KCNIP1: variants seen among roughly 807,000 people sequenced by gnomAD.
KCNIP1 encodes A-type potassium channel modulatory protein KCNIP1.
A neutral mutation model predicts 33.0 loss-of-function variants in KCNIP1; 18 were observed. The observed-to-expected ratio is 0.55, with a 90% CI of 0.38 to 0.81. The LOEUF (loss-of-function observed/expected upper bound fraction) is 0.81, where lower values mean the gene tolerates loss of function less well. Ranked by LOEUF, KCNIP1 falls within the 30% of genes least tolerant of loss-of-function variation. The pLI, the probability that KCNIP1 is intolerant of heterozygous loss-of-function variation, is 0.00. For synonymous variants in KCNIP1, 93 were observed against 98.3 expected (o/e 0.95, Z 0.32); for missense variants, 238 against 271.6 (o/e 0.88, Z 0.87).
chr5:170,475,326 G>T (rs1004875622), intron 1 of KCNIP1, among the ~76,000 whole-genome samples: 4 of 152,172 alleles, frequency 2.6e-5, no homozygotes, highest in Non-Finnish European at 4.4e-5. Flanking sequence ...ATTTATTTCA[G>T]CCTCACATTG....
At chr5:170,528,418 G>A (rs946874483) in intron 1 of KCNIP1, among the ~76,000 whole-genome samples, 2 of 152,182 alleles carry the variant, frequency 1.3e-5, no homozygotes, top group African/African-American at 4.8e-5. Flanking sequence ...TTGCAAGCTG[G>A]GTGACCTTCC....
intron 1 of KCNIP1, among the ~76,000 whole-genome samples, chr5:170,661,299 A>G (rs914776268): frequency 2.6e-5 from 4 of 152,164 alleles, no homozygotes; most frequent in Admixed American, 2.6e-4. Context: ...ACACGTGAGT[A>G]TGTGTTTCTG....
chr5:170,574,017 C>A (rs1423623297), intron 1 of KCNIP1, among the ~76,000 whole-genome samples: 1 of 152,146 alleles, frequency 6.6e-6, no homozygotes, highest in Non-Finnish European at 1.5e-5. Flanking sequence ...GCAGAGGGAC[C>A]CAAGTGGGAC....
chr5:170,679,723 G>T (rs1561760154), intron 1 of KCNIP1, among the ~76,000 whole-genome samples: 1 of 144,162 alleles, frequency 6.9e-6, no homozygotes. Context: ...AACTTAGGGT[G>T]TTTTTTTTTT....
In KCNIP1 at chr5:170,597,259, T is replaced by C. The variant is rs1355805066; in HGVS notation, c.61+92626T>C. ...CAGTGACTTGCAGCTGCAGCAATCC[T>C]ATGACTCAAACCAAAGCAGCTGTGA... is the stretch of plus-strand genomic sequence containing the variant. On this transcript the variant is annotated intron_variant, in intron 1 of 7. Coordinates refer to ENST00000328939, the MANE Select transcript of KCNIP1 (RefSeq NM_014592.4). Among the ~76,000 whole-genome samples, 4 of 152,190 alleles carry C rather than the reference T, an allele frequency of 2.6e-5. No homozygotes were observed. In the East Asian group the frequency reaches 7.7e-4, roughly 29 times the overall value.
upstream of KCNIP1, among the ~76,000 whole-genome samples, chr5:170,500,911 T>A (rs565869360): frequency 6.6e-6 from 1 of 152,310 alleles, no homozygotes; most frequent in South Asian, 2.1e-4. Flanking sequence ...TGTGTCTTCC[T>A]TTAAGGGGCA....
At chr5:170,493,147 G>T (rs972996246) in intron 1 of KCNIP1, among the ~76,000 whole-genome samples, 1 of 152,178 alleles carries the variant, frequency 6.6e-6, no homozygotes, top group African/African-American at 2.4e-5. Context: ...TGGTTTCTGT[G>T]GTAGAAAGTT....
intron 1 of KCNIP1, among the ~76,000 whole-genome samples, chr5:170,659,155 T>G (rs1306100237): frequency 1.3e-5 from 2 of 150,018 alleles, no homozygotes; most frequent in Non-Finnish European, 3.0e-5. Flanking sequence ...TCTTCTCTGA[T>G]CACTTTTTTT....
At chr5:170,543,201 G>A (rs78955686) in intron 1 of KCNIP1, among the ~76,000 whole-genome samples, 1,616 of 152,276 alleles carry the variant, frequency 0.011, 36 homozygotes, top group African/African-American at 0.037. Flanking sequence ...GGACATGAGC[G>A]TTCACGCCTA....
chr5:170,460,281 C>A (rs905082016), intron 1 of KCNIP1, among the ~76,000 whole-genome samples: 6 of 152,190 alleles, frequency 3.9e-5, no homozygotes, highest in African/African-American at 1.4e-4. Context: ...TGGTACCAAT[C>A]CTACTGACAC....
At chr5:170,717,320 C>T (rs1253880949) in intron 1 of KCNIP1, among the ~76,000 whole-genome samples, 2 of 152,088 alleles carry the variant, frequency 1.3e-5, no homozygotes, top group East Asian at 3.8e-4. Context: ...TAGATAATTG[C>T]TACTTATCTT....
intron 1 of KCNIP1, among the ~76,000 whole-genome samples, chr5:170,682,033 C>T (rs540996629): frequency 2.8e-4 from 43 of 152,306 alleles, no homozygotes; most frequent in African/African-American, 1.0e-3. Context: ...TCCACCACTG[C>T]ATGGTGTAGA....
At chr5:170,394,103 A>C (rs1056545539) in intron 1 of KCNIP1, among the ~76,000 whole-genome samples, 1 of 152,128 alleles carries the variant, frequency 6.6e-6, no homozygotes, top group Non-Finnish European at 1.5e-5. Flanking sequence ...TAAAGGAAGC[A>C]TGTGCCCTCT....
upstream of KCNIP1, among the ~76,000 whole-genome samples, chr5:170,500,662 G>A (rs563689066): frequency 6.6e-6 from 1 of 152,150 alleles, no homozygotes; most frequent in Middle Eastern, 3.2e-3. Flanking sequence ...ACACTTACCT[G>A]TGTTCTTCTA....
chr5:170,660,879 A>G (rs1428959864), intron 1 of KCNIP1, among the ~76,000 whole-genome samples: 1 of 152,246 alleles, frequency 6.6e-6, no homozygotes, highest in African/African-American at 2.4e-5. Context: ...GAGAAAGCTC[A>G]CGTGGCAAAA....
intron 1 of KCNIP1, among the ~76,000 whole-genome samples, chr5:170,585,441 T>A (rs888260780): frequency 6.6e-6 from 1 of 152,126 alleles, no homozygotes; most frequent in Admixed American, 6.5e-5. Flanking sequence ...TCCACTGTAT[T>A]TTCCCCGAAG....
rs1215514523 is a variant in KCNIP1 at position 170,648,634 on chromosome 5, CA to C, written c.62-70121del. Reference sequence around the variant, plus strand: ...GAGGAAGGGATGATTAGGTGGAGCACAAAGGATTTTTAGGGCATTGAAACAG... The same window carrying C: ...GAGGAAGGGATGATTAGGTGGAGCACAAGGATTTTTAGGGCATTGAAACAG... On this transcript the variant is annotated intron_variant, in intron 1 of 7. Coordinates refer to ENST00000328939, the MANE Select transcript of KCNIP1 (RefSeq NM_014592.4). Among the ~76,000 whole-genome samples the C allele has an allele frequency of 2.0e-5, 3 of 152,242 alleles. No individual in the cohort carries two copies. The East Asian group carries it at 5.8e-4, about 29-fold the overall frequency.
At chr5:170,386,249 A>C (rs182905895) in intron 1 of KCNIP1, among the ~76,000 whole-genome samples, 8 of 152,340 alleles carry the variant, frequency 5.3e-5, no homozygotes, top group African/African-American at 1.7e-4. Flanking sequence ...GGGAGATTAA[A>C]CAGATGAGAA....
chr5:170,395,867 A>G (rs1456310792), intron 1 of KCNIP1, among the ~76,000 whole-genome samples: 1 of 152,210 alleles, frequency 6.6e-6, no homozygotes. Context: ...GCCCTGACAG[A>G]TAATGGCCAT....
Sources: gnomAD v4.1 joint callset for allele counts (sites outside exome capture counted in the v4.1 genomes callset) on GRCh38, gnomAD v4.1.1 for gene constraint, MANE v1.5 for transcripts, NCBI Gene and HGNC (gene_info 2026-07-23, HGNC 2026-07-21) for gene names.